The following RAB11FIP4 variants were observed in gnomAD, a reference collection of about 807,000 sequenced individuals.
RAB11FIP4 encodes rab11 family-interacting protein 4.
Under a neutral mutation model 74.3 loss-of-function variants are expected in RAB11FIP4, and 23 were observed. The ratio of observed to expected loss-of-function variants is 0.31; its 90% CI spans 0.22 to 0.44. RAB11FIP4 has a LOEUF of 0.44. RAB11FIP4 is among the 20% of genes least tolerant of loss of function. RAB11FIP4 has a pLI of 1.00. For missense variants in RAB11FIP4, 630 were observed against 863.9 expected (o/e 0.73, Z 3.39); for synonymous variants, 360 against 359.9 (o/e 1.00, Z 0.00).
intron 3 of RAB11FIP4, among the ~76,000 whole-genome samples, chr17:31,436,826 C>T (rs1263351270): frequency 1.4e-5 from 2 of 146,738 alleles, no homozygotes; most frequent in South Asian, 2.1e-4. Context: ...CTTGCTCTAT[C>T]GCCCAGGCTG....
At chr17:31,444,419 C>T (rs971594294) in intron 3 of RAB11FIP4, among the ~76,000 whole-genome samples, 1 of 151,930 alleles carries the variant, frequency 6.6e-6, no homozygotes, top group African/African-American at 2.4e-5. Flanking sequence ...GTAAGATCCT[C>T]GATTTGTGTC....
At chr17:31,498,201 TA>T (rs1567677534) in intron 3 of RAB11FIP4, among the ~76,000 whole-genome samples, 1 of 152,102 alleles carries the variant, frequency 6.6e-6, no homozygotes, top group Non-Finnish European at 1.5e-5. Context: ...CATGAGCCCC[TA>T]ATGCCCTCTC....
At chr17:31,492,068 G>A (rs995270479) in intron 3 of RAB11FIP4, among the ~76,000 whole-genome samples, 4 of 152,196 alleles carry the variant, frequency 2.6e-5, no homozygotes, top group African/African-American at 9.7e-5. Flanking sequence ...AGCTCCTGTC[G>A]GGTAGGGACA....
At chr17:31,431,734 C>CAA in intron 1 of RAB11FIP4, 79 bp from the exon 2 acceptor site, 6 of 593,836 alleles carry the variant, frequency 1.0e-5, no homozygotes, top group East Asian at 1.0e-4. Context: ...CTCCCTCCCT[C>CAA]CCAGCCTCCC....
In RAB11FIP4 at chr17:31,512,433, C is replaced by G. The variant is rs890426815; in HGVS notation, c.337-5218C>G. On this transcript the variant is annotated intron_variant, in intron 3 of 14. Transcript: ENST00000621161. This position sits in a 1 kb window ranked among gnomAD's most constrained non-coding sequence, Gnocchi z 4.1. ...CTAGGCCCCAGAGCTGAGCCCTCACCCAAGCCCACCCCCAGGGGCCTCCTG... is the reference window on the plus strand; with the variant it reads ...CTAGGCCCCAGAGCTGAGCCCTCACGCAAGCCCACCCCCAGGGGCCTCCTG... 6.6e-6 allele frequency among the ~76,000 whole-genome samples: 1 copy of G among 152,150 alleles called. No individual in the cohort carries two copies. Among genetic ancestry groups the G allele is most frequent in the African/African-American group, 2.4e-5 (1 of 41,436 alleles).
intron 10 of RAB11FIP4, chr17:31,527,446 C>T (rs2072785623): frequency 6.1e-6 from 1 of 164,792 alleles, no homozygotes; most frequent in Non-Finnish European, 1.3e-5. Context: ...ACTAAAAATA[C>T]ACAAATTAGC....
At chr17:31,469,054 C>T (rs760024142) in intron 3 of RAB11FIP4, among the ~76,000 whole-genome samples, 14 of 152,160 alleles carry the variant, frequency 9.2e-5, no homozygotes, top group African/African-American at 1.7e-4. Context: ...ATAAGCCCCT[C>T]GTAAGTATTG....
intron 3 of RAB11FIP4, among the ~76,000 whole-genome samples, chr17:31,482,686 C>T (rs1229103462): frequency 6.6e-6 from 1 of 152,106 alleles, no homozygotes; most frequent in Non-Finnish European, 1.5e-5. Context: ...TGCCTATTTG[C>T]TTGGTAGTCC....
In RAB11FIP4 at chr17:31,486,373, A is replaced by T. The variant is rs1040198769; in HGVS notation, c.337-31278A>T. 4.6e-5 allele frequency among the ~76,000 whole-genome samples: 7 copies of T among 152,120 alleles called. No individual in the cohort carries two copies. The East Asian group carries it at 1.4e-3, about 30-fold the overall frequency. On this transcript the variant is annotated intron_variant, in intron 3 of 14. Transcript: ENST00000621161. ...CTCTTCAGCCTCCCAAGTAGCTGGG[A>T]CTACAGGTACGTGCCACCACACCTG...
At chr17:31,443,948 G>A (rs2071427828) in intron 3 of RAB11FIP4, among the ~76,000 whole-genome samples, 1 of 152,114 alleles carries the variant, frequency 6.6e-6, no homozygotes, top group Admixed American at 6.6e-5. Flanking sequence ...GGGGTTTGCT[G>A]GGAACCCAGA....
chr17:31,423,460 T>G (rs528417610), intron 1 of RAB11FIP4, among the ~76,000 whole-genome samples: 49 of 152,294 alleles, frequency 3.2e-4, no homozygotes, highest in Non-Finnish European at 6.5e-4. Flanking sequence ...CTCAACCCCC[T>G]GGCCTTAAGC....
chr17:31,400,612 C>A (rs942089736), intron 1 of RAB11FIP4, among the ~76,000 whole-genome samples: 2 of 152,194 alleles, frequency 1.3e-5, no homozygotes, highest in East Asian at 3.8e-4. Context: ...AGGTGATGGG[C>A]GCTGGGGGCC....
At chr17:31,474,875 C>CA (rs3058693) in intron 3 of RAB11FIP4, among the ~76,000 whole-genome samples, 2,460 of 143,666 alleles carry the variant, frequency 0.017, 88 homozygotes, top group African/African-American at 0.063. Flanking sequence ...CAAAACAAAA[C>CA]AAAAAACAAA....
At position 31,446,647 on chromosome 17, in the gene RAB11FIP4, AC is replaced by A. The variant is rs71954204; in HGVS notation, c.336+12533del. Reference sequence around the variant, plus strand: ...CAATCTCAAGAGAAAACTAGAAAAGACCCCCCCCACGTCTTTGGGGGGATTA... The same window carrying A: ...CAATCTCAAGAGAAAACTAGAAAAGACCCCCCCACGTCTTTGGGGGGATTA... On this transcript the variant is annotated intron_variant, in intron 3 of 14. Transcript: ENST00000621161. 1.4e-4 allele frequency among the ~76,000 whole-genome samples: 20 copies of A among 147,758 alleles called. 1 individual carries two copies. The highest frequency in any genetic ancestry group is 4.8e-4 in the African/African-American group (19 of 39,936).
At chr17:31,458,861 T>C (rs1327248762) in intron 3 of RAB11FIP4, among the ~76,000 whole-genome samples, 1 of 152,198 alleles carries the variant, frequency 6.6e-6, no homozygotes, top group African/African-American at 2.4e-5. Flanking sequence ...TGGCCCTTGA[T>C]AGCAGTGTGG....
chr17:31,529,256 C>A (rs566364694), intron 13 of RAB11FIP4, among the ~76,000 whole-genome samples: 1 of 152,172 alleles, frequency 6.6e-6, no homozygotes, highest in Admixed American at 6.5e-5. Flanking sequence ...CACCACCATG[C>A]CCAGCTAATG....
chr17:31,534,658 T>A lies in RAB11FIP4; in HGVS notation c.*2926T>A, dbSNP rs1214030530. 2 of 152,220 alleles carry A rather than the reference T, an allele frequency of 1.3e-5. No homozygotes were observed. The highest frequency in any genetic ancestry group is 4.8e-5 in the African/African-American group (2 of 41,436). The allele number at this position is 152,220 out of a possible 1,614,324, so 9.4% of individuals were successfully genotyped here. A position where few individuals can be genotyped will look rare whatever the true frequency, so the allele number is the denominator to read the frequency against. ...GATTGTTGTGGGTGTAGCCCAGGCA[T>A]GGGATTTTTTAAAGAGCTGCTCAGG... is the stretch of plus-strand genomic sequence containing the variant. On this transcript the variant is annotated 3_prime_UTR_variant, in exon 15 of 15. Coordinates refer to ENST00000621161, the MANE Select transcript of RAB11FIP4 (RefSeq NM_032932.6).
intron 3 of RAB11FIP4, among the ~76,000 whole-genome samples, chr17:31,463,802 A>AATTTTTTT (rs2071655772): frequency 7.0e-5 from 1 of 14,210 alleles, no homozygotes; most frequent in Admixed American, 9.4e-4. Context: ...CTGCGCCTGG[A>AATTTTTTT]CTTTTTTTTT....
At chr17:31,398,271 C>T (rs946038536) in intron 1 of RAB11FIP4, among the ~76,000 whole-genome samples, 6 of 152,176 alleles carry the variant, frequency 3.9e-5, no homozygotes, top group Non-Finnish European at 8.8e-5. Context: ...TAACTCCTGA[C>T]CTCTGGTGAT....
Sources: gnomAD v4.1 joint callset for allele counts (sites outside exome capture counted in the v4.1 genomes callset) on GRCh38, gnomAD v4.1.1 for gene constraint, Gnocchi (gnomAD v3.1) non-coding constraint, MANE v1.5 for transcripts, NCBI Gene and HGNC (gene_info 2026-07-23, HGNC 2026-07-21) for gene names.